The following SEMA3D variants were observed in gnomAD, a reference collection of about 807,000 sequenced individuals.
The protein encoded by SEMA3D is semaphorin-3D.
SEMA3D carries 84 observed loss-of-function variants against 100.1 expected under a neutral mutation model. That is an observed-to-expected ratio of 0.84 (90% CI 0.70 to 1.01). The LOEUF is 1.01. SEMA3D is among the 50% of genes least tolerant of loss of function. The probability of loss-of-function intolerance (pLI) is 0.00; values close to 1 mark genes in which losing one functional copy is unlikely to be tolerated. For missense variants in SEMA3D, 875 were observed against 934.1 expected (o/e 0.94, Z 0.82); for synonymous variants, 312 against 320.7 (o/e 0.97, Z 0.29).
intron 2 of SEMA3D, chr7:85,140,383 T>C (rs549229332): frequency 1.0e-6 from 1 of 981,458 alleles, no homozygotes; most frequent in African/African-American, 1.7e-5. Flanking sequence ...TGTTGGTAAA[T>C]TATTCTATTT....
intron 7 of SEMA3D, among the ~76,000 whole-genome samples, chr7:85,066,913 C>CACACACACACACACAGAGAGAGAG: frequency 1.6e-5 from 2 of 127,758 alleles, no homozygotes; most frequent in African/African-American, 6.3e-5. Context: ...CACACACACA[C>CACACACACACACACAGAGAGAGAG]AGAGAGAGAG....
the SEMA3D span, among the ~76,000 whole-genome samples, chr7:85,241,505 G>A: frequency 3.5e-4 from 36 of 102,390 alleles, 2 homozygotes; most frequent in African/African-American, 1.8e-3. Flanking sequence ...ATACTACTCA[G>A]CAATAAAAGA....
intron 17 of SEMA3D, among the ~76,000 whole-genome samples, chr7:85,010,768 G>A (rs1789929394): frequency 6.6e-6 from 1 of 151,782 alleles, no homozygotes; most frequent in African/African-American, 2.4e-5. Context: ...GAGCTCTTTA[G>A]TAGGCATACA....
intron 11 of SEMA3D, among the ~76,000 whole-genome samples, chr7:85,038,533 A>C (rs1224624437): frequency 6.6e-6 from 1 of 152,224 alleles, no homozygotes; most frequent in Non-Finnish European, 1.5e-5. Context: ...AAAACAATAA[A>C]GTATAGGAAG....
At chr7:85,215,531 C>T in the SEMA3D span, among the ~76,000 whole-genome samples, 1 of 152,064 alleles carries the variant, frequency 6.6e-6, no homozygotes, top group South Asian at 2.1e-4. Context: ...GAACTGCAAT[C>T]TTTTTTCTCC....
At chr7:85,016,250 C>CTTTTTTTTTTTT (rs59812080) in intron 15 of SEMA3D, among the ~76,000 whole-genome samples, 2 of 128,768 alleles carry the variant, frequency 1.6e-5, no homozygotes, top group Non-Finnish European at 3.4e-5. Context: ...TTTGTGATTC[C>CTTTTTTTTTTTT]TTTTTTTTTT....
At chr7:85,157,078 T>G (rs1452943476) in intron 1 of SEMA3D, among the ~76,000 whole-genome samples, 1 of 148,296 alleles carries the variant, frequency 6.7e-6, no homozygotes, top group Admixed American at 6.8e-5. Flanking sequence ...CACTTTGAAA[T>G]ACAGAATGTC....
intron 8 of SEMA3D, among the ~76,000 whole-genome samples, chr7:85,058,747 CAAAA>C (rs67267318): frequency 1.6e-5 from 1 of 64,268 alleles, no homozygotes; most frequent in African/African-American, 5.5e-5. Context: ...GACTCCACTA[CAAAA>C]AAAAAAAAAA....
chr7:85,033,359 T>G (rs945510946), intron 12 of SEMA3D, among the ~76,000 whole-genome samples: 8 of 152,142 alleles, frequency 5.3e-5, no homozygotes, highest in Admixed American at 5.2e-4. Context: ...AGTGTCTGTG[T>G]GCTTATGAGG....
intron 4 of SEMA3D, among the ~76,000 whole-genome samples, chr7:85,086,614 T>TTCTC (rs147676385): frequency 1.4e-5 from 2 of 148,042 alleles, no homozygotes; most frequent in Non-Finnish European, 3.0e-5. Context: ...TCTAGTCTCT[T>TTCTC]TCTCTCTCTC....
intron 4 of SEMA3D, among the ~76,000 whole-genome samples, chr7:85,082,351 G>C (rs1788089245): frequency 6.6e-6 from 1 of 152,090 alleles, no homozygotes; most frequent in South Asian, 2.1e-4. Context: ...TGAGTTCAAG[G>C]CTTTTTTCTT....
rs1283317703 is a variant in SEMA3D, at chr7:85,175,342, A to G, written c.-173+11336T>C. On this transcript the variant is annotated intron_variant, in intron 1 of 18. Transcript: ENST00000284136. ...GCTGGGATAGGGTGAGGAATCCTGT[A>G]ATATCTTAGCCCAGGCTCTCTGAAG... Among the ~76,000 whole-genome samples, 5 of 152,206 alleles carry G rather than the reference A, an allele frequency of 3.3e-5. No homozygotes were observed. In the South Asian group the frequency reaches 1.0e-3, roughly 31 times the overall value.
chr7:85,106,113 T>C (rs758147230), intron 3 of SEMA3D, among the ~76,000 whole-genome samples: 5 of 152,072 alleles, frequency 3.3e-5, no homozygotes, highest in African/African-American at 4.8e-5. Flanking sequence ...GTTAGTATTA[T>C]AAATATCTAG....
chr7:85,036,317 C>G (rs939818295), intron 12 of SEMA3D, among the ~76,000 whole-genome samples: 1 of 151,874 alleles, frequency 6.6e-6, no homozygotes, highest in Admixed American at 6.6e-5. Flanking sequence ...TTCTTACTTA[C>G]ATCATTTGTG....
chr7:85,109,618 T>C (rs549517347), intron 3 of SEMA3D, among the ~76,000 whole-genome samples: 151 of 152,162 alleles, frequency 9.9e-4, no homozygotes, highest in African/African-American at 3.6e-3. Context: ...TAAAGCAGTA[T>C]GTTTAAAGGA....
At chr7:85,000,791 C>T (rs1325616611) in intron 18 of SEMA3D, among the ~76,000 whole-genome samples, 1 of 152,096 alleles carries the variant, frequency 6.6e-6, no homozygotes, top group Admixed American at 6.5e-5. Flanking sequence ...GAATAATGAA[C>T]CTATCTTCAG....
At chr7:85,050,346 C>T (rs1791130009) in intron 9 of SEMA3D, 1 of 158,990 alleles carries the variant, frequency 6.3e-6, no homozygotes, top group South Asian at 2.0e-4. Flanking sequence ...AAGATATTAA[C>T]TGTTTCACAA....
At chr7:85,021,763 T>A (rs1259735175) in intron 13 of SEMA3D, among the ~76,000 whole-genome samples, 1 of 151,820 alleles carries the variant, frequency 6.6e-6, no homozygotes, top group African/African-American at 2.4e-5. Context: ...AGAATTCCCA[T>A]GACATTATTA....
chr7:85,236,311 T>G, the SEMA3D span, among the ~76,000 whole-genome samples: 4 of 146,072 alleles, frequency 2.7e-5, no homozygotes, highest in African/African-American at 1.1e-4. Flanking sequence ...ATTTATTTAT[T>G]TATTTATTTA....
Sources: gnomAD v4.1 joint callset for allele counts (sites outside exome capture counted in the v4.1 genomes callset) on GRCh38, gnomAD v4.1.1 for gene constraint, MANE v1.5 for transcripts, NCBI Gene and HGNC (gene_info 2026-07-23, HGNC 2026-07-21) for gene names.